PRDM11: variants seen among roughly 807,000 people sequenced by gnomAD.
PRDM11 encodes PR/SET domain 11, also known as PR domain-containing protein 11.
Under a neutral mutation model 97.8 loss-of-function variants are expected in PRDM11, and 20 were observed. That is an observed-to-expected ratio of 0.20 (90% CI 0.14 to 0.30). The LOEUF is 0.30. Ranked by LOEUF, PRDM11 falls within the 10% of genes least tolerant of loss-of-function variation. The pLI, the probability that PRDM11 is intolerant of heterozygous loss-of-function variation, is 1.00. For synonymous variants in PRDM11, 599 were observed against 637.7 expected, an observed-to-expected ratio of 0.94 and a Z score of 0.91; for missense variants, 1,139 against 1,555.2, an observed-to-expected ratio of 0.73 and a Z score of 4.50.
intron 1 of PRDM11, among the ~76,000 whole-genome samples, chr11:45,176,987 G>A (rs1484371727): frequency 1.3e-5 from 2 of 152,232 alleles, no homozygotes; most frequent in Non-Finnish European, 2.9e-5. Context: ...CCAAGTCAAG[G>A]TCAGCATGTG....
intron 5 of PRDM11, 29 bp downstream of exon 5, chr11:45,204,807 G>A (rs758077596): frequency 3.5e-5 from 55 of 1,581,252 alleles, no homozygotes; most frequent in East Asian, 4.5e-5. Flanking sequence ...ATGTCCCGGG[G>A]GTCTTGCCTG....
At chr11:45,202,406 G>A (rs1181035129) in intron 4 of PRDM11, among the ~76,000 whole-genome samples, 1 of 152,212 alleles carries the variant, frequency 6.6e-6, no homozygotes, top group African/African-American at 2.4e-5. Flanking sequence ...ATGAGGTATG[G>A]CCAGGAAGAA....
chr11:45,148,590 C>T lies in PRDM11; in HGVS notation c.-7+1713C>T, dbSNP rs77252180. On this transcript the variant is annotated intron_variant, in intron 1 of 7. Transcript: ENST00000683152. ...GTTCACAAAGATGAGGGACTCCCCT[C>T]AGTTGTCCTAGGAGTCCTAGATTGG... Among the ~76,000 whole-genome samples, 421 of 152,286 alleles carry T rather than the reference C, an allele frequency of 2.8e-3. 11 individuals are homozygous for T. The East Asian group carries it at 0.071, about 26-fold the overall frequency.
chr11:45,113,854 C>G (rs1450472789), intron 1 of PRDM11, among the ~76,000 whole-genome samples: 2 of 138,206 alleles, frequency 1.4e-5, no homozygotes, highest in Non-Finnish European at 3.1e-5. Context: ...TACAAAAAAT[C>G]ACATTGATTT....
At chr11:45,210,565 G>A (rs1024839289) in intron 5 of PRDM11, among the ~76,000 whole-genome samples, 2 of 152,216 alleles carry the variant, frequency 1.3e-5, no homozygotes, top group Admixed American at 1.3e-4. Flanking sequence ...GGAAGCAGCC[G>A]TGGCTCAGCC....
At chr11:45,176,291 C>T (rs1208797758) in intron 1 of PRDM11, among the ~76,000 whole-genome samples, 3 of 152,038 alleles carry the variant, frequency 2.0e-5, no homozygotes, top group African/African-American at 7.3e-5. Flanking sequence ...ACAGGAGAAT[C>T]GCTTGAACCC....
At chr11:45,166,243 T>C (rs1265555765) in intron 1 of PRDM11, among the ~76,000 whole-genome samples, 1 of 152,144 alleles carries the variant, frequency 6.6e-6, no homozygotes, top group Non-Finnish European at 1.5e-5. Flanking sequence ...TAGGTATGGC[T>C]CCATTCATGG....
chr11:45,126,748 TTC>T, intron 1 of PRDM11, among the ~76,000 whole-genome samples: 1 of 152,310 alleles, frequency 6.6e-6, no homozygotes, highest in South Asian at 2.1e-4. Context: ...AACCCGACCT[TTC>T]TCTCTGGCTG....
intron 1 of PRDM11, among the ~76,000 whole-genome samples, chr11:45,164,532 G>A (rs577379340): frequency 2.0e-5 from 3 of 152,366 alleles, no homozygotes; most frequent in East Asian, 3.9e-4. Context: ...GCCACCGTGA[G>A]GGCTGTGGTG....
At chr11:45,166,461 C>T (rs1410660845) in intron 1 of PRDM11, among the ~76,000 whole-genome samples, 1 of 152,248 alleles carries the variant, frequency 6.6e-6, no homozygotes, top group Non-Finnish European at 1.5e-5. Flanking sequence ...CAGATACGAG[C>T]ACTGGTTGGT....
chr11:45,174,501 G>A (rs1192186627), intron 1 of PRDM11, among the ~76,000 whole-genome samples: 14 of 152,122 alleles, frequency 9.2e-5, no homozygotes, highest in African/African-American at 3.1e-4. Flanking sequence ...GGTATGCTTC[G>A]GGTAGAGATA....
Position 45,225,869 on chromosome 11 carries a change from A to G in PRDM11, c.1370-126A>G, listed in dbSNP as rs1045535906. The G allele has an allele frequency of 4.0e-5, 49 of 1,234,424 alleles. No individual in the cohort carries two copies. The African/African-American group carries it at 5.5e-4, about 14-fold the overall frequency. 76.5% of individuals were successfully genotyped at this position (1,234,424 alleles called of 1,614,324 possible). ...ATTCTGGGCTGGGATTCAATCCATC[A>G]TAGGCTTCCACGGACTTCTGTTTCC... On this transcript the variant is annotated intron_variant, in intron 7 of 7. Coordinates refer to ENST00000683152, the MANE Select transcript of PRDM11 (RefSeq NM_001384648.1).
intron 1 of PRDM11, among the ~76,000 whole-genome samples, chr11:45,115,918 A>C (rs1852291774): frequency 6.6e-6 from 1 of 150,622 alleles, no homozygotes. Context: ...TGACGAGTGA[A>C]ACTCCATCTC....
At chr11:45,137,012 A>G (rs1300128781) in intron 1 of PRDM11, among the ~76,000 whole-genome samples, 2 of 151,590 alleles carry the variant, frequency 1.3e-5, no homozygotes, top group African/African-American at 2.4e-5. Flanking sequence ...AAAGAAAAAA[A>G]ATTAGCTGGG....
chr11:45,182,136 C>T (rs1255525104), intron 2 of PRDM11, 110 bp from the exon 3 acceptor site: 2 of 953,826 alleles, frequency 2.1e-6, no homozygotes, highest in Admixed American at 2.2e-5. Flanking sequence ...ACTCCTCTGC[C>T]CACCCCACAT....
chr11:45,224,645 G>T lies in PRDM11; in HGVS notation c.1171G>T (p.Asp391Tyr), dbSNP rs745622269. 3 of 1,614,030 alleles carry T rather than the reference G, an allele frequency of 1.9e-6. No homozygotes were observed. Among genetic ancestry groups the T allele is most frequent in the Non-Finnish European group, 2.5e-6 (3 of 1,180,042 alleles). Residue 391 changes from aspartate (D) to tyrosine (Y), a missense_variant, in exon 7 of 8, where the codon GAC becomes TAC. Transcript: ENST00000683152. ...AGAGGAGCCTTCATCATTCAAGGCC[G>T]ACAGTCCTGCCGAGGCCTCCCTTGC... is the stretch of plus-strand genomic sequence containing the variant. ...EEEEPSSFKA[D>Y]SPAEASLASD... is the part of the protein sequence containing the mutation.
chr11:45,203,478 C>A (rs889655953), intron 4 of PRDM11, among the ~76,000 whole-genome samples: 1 of 149,110 alleles, frequency 6.7e-6, no homozygotes, highest in Non-Finnish European at 1.5e-5. Context: ...ATGGGAGAAA[C>A]CCCGGATTAG....
chr11:45,183,246 C>T (rs1032746870), intron 4 of PRDM11, 123 bp downstream of exon 4: 44 of 1,292,888 alleles, frequency 3.4e-5, no homozygotes, highest in Admixed American at 5.7e-5. Flanking sequence ...CTGGACCTGT[C>T]GATGATGGAT....
At chr11:45,165,505 C>T (rs776709851) in intron 1 of PRDM11, among the ~76,000 whole-genome samples, 68 of 152,288 alleles carry the variant, frequency 4.5e-4, no homozygotes, top group Non-Finnish European at 8.5e-4. Context: ...CCACGCAGGC[C>T]GCACACTCAG....
Sources: gnomAD v4.1 joint callset for allele counts (sites outside exome capture counted in the v4.1 genomes callset) on GRCh38, gnomAD v4.1.1 for gene constraint, MANE v1.5 for transcripts, NCBI Gene and HGNC (gene_info 2026-07-23, HGNC 2026-07-21) for gene names.